MALRD1: variants seen among roughly 807,000 people sequenced by gnomAD.
MALRD1 encodes MAM and LDL-receptor class A domain-containing protein 1.
In MALRD1, 247 loss-of-function variants were observed where a neutral mutation model predicts 242.1. The observed-to-expected ratio is 1.02, with a 90% CI of 0.92 to 1.13. The LOEUF is 1.13. Ranked by LOEUF, MALRD1 falls within the 50% of genes most tolerant of loss-of-function variation. The pLI, the probability that MALRD1 is intolerant of heterozygous loss-of-function variation, is 0.00. For synonymous variants in MALRD1, 995 were observed against 866.6 expected, an observed-to-expected ratio of 1.15 and a Z score of -2.60; for missense variants, 2,989 against 2,533.1, an observed-to-expected ratio of 1.18 and a Z score of -3.86.
At chr10:19,071,457 C>T (rs796189095) in intron 2 of MALRD1, among the ~76,000 whole-genome samples, 25 of 152,194 alleles carry the variant, frequency 1.6e-4, no homozygotes, top group African/African-American at 5.5e-4. Context: ...TGCAGCTGGA[C>T]CCTATGTCAA....
intron 14 of MALRD1, among the ~76,000 whole-genome samples, chr10:19,177,137 G>T (rs1425055108): frequency 6.6e-6 from 1 of 151,794 alleles, no homozygotes; most frequent in Non-Finnish European, 1.5e-5. Context: ...AAATTAGCCA[G>T]GGCATGGTGG....
intron 1 of MALRD1, among the ~76,000 whole-genome samples, chr10:19,049,949 T>A (rs1039133402): frequency 1.3e-5 from 2 of 152,186 alleles, no homozygotes; most frequent in African/African-American, 4.8e-5. Context: ...CTTACACACA[T>A]TCACCCTTCA....
chr10:19,325,499 C>T (rs1291433253), intron 22 of MALRD1, among the ~76,000 whole-genome samples: 1 of 151,884 alleles, frequency 6.6e-6, no homozygotes, highest in Non-Finnish European at 1.5e-5. Context: ...GTCCTGTCTT[C>T]CCATACTGTA....
At chr10:19,332,427 A>G (rs939120064) in intron 24 of MALRD1, among the ~76,000 whole-genome samples, 3 of 152,096 alleles carry the variant, frequency 2.0e-5, no homozygotes, top group African/African-American at 7.2e-5. Context: ...CATAATGAAC[A>G]CCATATATTA....
chr10:19,250,096 GA>G (rs145650681), intron 18 of MALRD1, among the ~76,000 whole-genome samples: 13,203 of 151,438 alleles, frequency 0.087, 652 homozygotes, highest in Middle Eastern at 0.11. Context: ...AGTCTGATGG[GA>G]AAAAAAATGA....
intron 14 of MALRD1, among the ~76,000 whole-genome samples, chr10:19,177,898 C>T (rs554196169): frequency 1.3e-5 from 2 of 152,140 alleles, no homozygotes; most frequent in South Asian, 2.1e-4. Flanking sequence ...GATCTTGTGA[C>T]CTAATTTCAG....
chr10:19,108,170 T>C (rs1284286740), intron 5 of MALRD1, among the ~76,000 whole-genome samples: 4 of 152,122 alleles, frequency 2.6e-5, no homozygotes, highest in Non-Finnish European at 5.9e-5. Context: ...TCACATAGGC[T>C]TTGCTTGCTG....
chr10:19,447,744 C>A (rs200349659), intron 28 of MALRD1, among the ~76,000 whole-genome samples: 1 of 144,144 alleles, frequency 6.9e-6, no homozygotes, highest in Non-Finnish European at 1.5e-5. Context: ...ATAGACCACC[C>A]TTTCCTTTAA....
chr10:19,333,139 T>TA (rs1843460874), intron 24 of MALRD1, among the ~76,000 whole-genome samples: 2 of 151,734 alleles, frequency 1.3e-5, no homozygotes, highest in African/African-American at 4.8e-5. Context: ...CCACTTCTTT[T>TA]TAAAAAAAAA....
intron 9 of MALRD1, among the ~76,000 whole-genome samples, chr10:19,134,694 C>T (rs1411931035): frequency 1.3e-5 from 2 of 152,150 alleles, no homozygotes; most frequent in Admixed American, 6.5e-5. Flanking sequence ...TTTTCATAGG[C>T]TGATATCTGT....
In MALRD1 at chr10:19,562,694, C is replaced by T. The variant is rs552199589; in HGVS notation, c.5479-4808C>T. ...CTCTGGGCCCATGGCCTGTTAGGAA[C>T]CAGTTTGCACAGCAGAAGGTGAGGG... On this transcript the variant is annotated intron_variant, in intron 32 of 39. Transcript: ENST00000454679. Among the ~76,000 whole-genome samples the T allele has an allele frequency of 3.9e-3, 596 of 152,158 alleles. 5 individuals carry two copies. The highest frequency in any genetic ancestry group is 0.014 in the African/African-American group (563 of 41,514).
rs545213493 is a variant in MALRD1 at position 19,197,245 on chromosome 10, A to T, written c.1952-6483A>T. 3.9e-5 allele frequency among the ~76,000 whole-genome samples: 6 copies of T among 152,282 alleles called. No individual in the cohort carries two copies. In the South Asian group the frequency reaches 1.2e-3, roughly 32 times the overall value. ...CAGGTCCCTCCCTCAACACGTGAGA[A>T]TTACAATTCAAGATGAGATTTTGGT... is the stretch of plus-strand genomic sequence containing the variant. On this transcript the variant is annotated intron_variant, in intron 14 of 39. Coordinates refer to ENST00000454679, the MANE Select transcript of MALRD1 (RefSeq NM_001142308.3).
chr10:19,077,762 G>T (rs1233869389), intron 2 of MALRD1, among the ~76,000 whole-genome samples: 1 of 151,826 alleles, frequency 6.6e-6, no homozygotes, highest in Non-Finnish European at 1.5e-5. Context: ...ATTCAGACAG[G>T]TACAGATTTC....
chr10:19,487,889 G>T (rs1447157560), intron 29 of MALRD1, among the ~76,000 whole-genome samples: 3 of 152,102 alleles, frequency 2.0e-5, no homozygotes, highest in African/African-American at 7.2e-5. Flanking sequence ...ATATCATACA[G>T]GTTTTAGCTA....
At chr10:19,521,654 A>G (rs1333853066) in intron 31 of MALRD1, among the ~76,000 whole-genome samples, 2 of 152,130 alleles carry the variant, frequency 1.3e-5, no homozygotes, top group Admixed American at 1.3e-4. Context: ...CCTCTTGAAT[A>G]TATTCTAGTT....
intron 28 of MALRD1, among the ~76,000 whole-genome samples, chr10:19,402,731 G>T (rs947790468): frequency 6.6e-6 from 1 of 151,994 alleles, no homozygotes; most frequent in Non-Finnish European, 1.5e-5. Context: ...TGTCTTCCAT[G>T]CTCTTATTTG....
intron 35 of MALRD1, among the ~76,000 whole-genome samples, chr10:19,613,732 C>A (rs1230685535): frequency 6.6e-6 from 1 of 152,076 alleles, no homozygotes; most frequent in Non-Finnish European, 1.5e-5. Flanking sequence ...GCCGATGTAA[C>A]CCAGAAGCTG....
chr10:19,113,267 C>T (rs1476115677), intron 5 of MALRD1, among the ~76,000 whole-genome samples: 5 of 152,132 alleles, frequency 3.3e-5, no homozygotes, highest in Admixed American at 6.6e-5. Context: ...TAGCTCCTCA[C>T]GATACTGCTC....
At chr10:19,101,642 C>G (rs1293986409) in intron 4 of MALRD1, among the ~76,000 whole-genome samples, 1 of 131,500 alleles carries the variant, frequency 7.6e-6, no homozygotes, top group African/African-American at 2.8e-5. Context: ...AAAATATATA[C>G]AATACATATA....
Sources: allele counts gnomAD v4.1 joint callset (sites outside exome capture counted in the v4.1 genomes callset), GRCh38; gene constraint gnomAD v4.1.1; transcripts MANE v1.5; gene names NCBI Gene and HGNC (gene_info 2026-07-23, HGNC 2026-07-21).